CEP44: variants seen among roughly 807,000 people sequenced by gnomAD.
CEP44 encodes centrosomal protein of 44 kDa.
In CEP44, 45 loss-of-function variants were observed where a neutral mutation model predicts 46.7. That is an observed-to-expected ratio of 0.96 (90% confidence interval 0.76 to 1.24). The LOEUF is 1.24. Ranked by LOEUF, CEP44 falls within the 50% of genes most tolerant of loss-of-function variation. The pLI is 0.00. For missense variants in CEP44, 475 were observed against 459.7 expected (o/e 1.03, Z -0.30); for synonymous variants, 142 against 146.0 (o/e 0.97, Z 0.20).
Position 174,319,699 on chromosome 4 carries a change from T to C in CEP44, c.*2316T>C, listed in dbSNP as rs768701142. 31 of 841,108 alleles carry C rather than the reference T, an allele frequency of 3.7e-5. No homozygotes were observed. Among genetic ancestry groups the C allele is most frequent in the Non-Finnish European group, 4.2e-5 (29 of 697,528 alleles). 52.1% of individuals were successfully genotyped at this position (841,108 alleles called of 1,614,324 possible). A position where few individuals can be genotyped will look rare whatever the true frequency, so the allele number is the denominator to read the frequency against. ...TTAGAATCCAAATTTTCTTAAACTTTAATAACTTGTCTAACAACTCTCTAA... is the reference window on the plus strand; with the variant it reads ...TTAGAATCCAAATTTTCTTAAACTTCAATAACTTGTCTAACAACTCTCTAA... On this transcript the variant is annotated 3_prime_UTR_variant, in exon 12 of 12. Transcript: ENST00000503780.
intron 1 of CEP44, among the ~76,000 whole-genome samples, chr4:174,284,575 A>G (rs1260122676): frequency 6.6e-6 from 1 of 152,056 alleles, no homozygotes; most frequent in Non-Finnish European, 1.5e-5. Context: ...TGAAGTTGTT[A>G]TTCTCTTTTA....
chr4:174,299,273 A>G, intron 3 of CEP44, 63 bp downstream of exon 3: 4 of 1,312,916 alleles, frequency 3.0e-6, no homozygotes, highest in African/African-American at 2.9e-5. Flanking sequence ...GATATTTAAC[A>G]TGGGGGACTA....
chr4:174,294,433 G>A lies in CEP44; in HGVS notation c.-147-3533G>A, dbSNP rs1265932786. ...TACAGAACAAAATGAAAAGTCTCCC[G>A]TGTCTACCTCTTTCTACACAGACAT... On this transcript the variant is annotated intron_variant, in intron 1 of 11. Coordinates refer to ENST00000503780, the MANE Select transcript of CEP44 (RefSeq NM_001040157.3). 1.5e-4 allele frequency among the ~76,000 whole-genome samples: 23 copies of A among 151,688 alleles called. No homozygotes were observed. The East Asian group carries it at 3.9e-3, about 26-fold the overall frequency.
rs1421318836 is a variant in CEP44 at position 174,317,964 on chromosome 4, C to T, written c.*581C>T. The stretch of plus-strand genomic sequence containing the variant: ...AAGATTCTCCTTTTGTACTGGGAAA[C>T]AGGCTGGAGGACTATGGTCCTCAAG... On this transcript the variant is annotated 3_prime_UTR_variant, in exon 12 of 12. Coordinates refer to ENST00000503780, the MANE Select transcript of CEP44 (RefSeq NM_001040157.3). The T allele has an allele frequency of 3.0e-6, 3 of 985,238 alleles. No homozygotes were observed. Among genetic ancestry groups the T allele is most frequent in the Non-Finnish European group, 2.4e-6 (2 of 829,788 alleles). The allele number at this position is 985,238 out of a possible 1,614,324, so 61.0% of individuals were successfully genotyped here.
Position 174,325,757 on chromosome 4 carries a change from C to T in CEP44, c.1087-5725C>T, listed in dbSNP as rs535157229. 5.9e-5 allele frequency among the ~76,000 whole-genome samples: 9 copies of T among 152,202 alleles called. No individual in the cohort carries two copies. The highest frequency in any genetic ancestry group is 1.7e-4 in the African/African-American group (7 of 41,544). On this transcript the variant is annotated intron_variant, in intron 8 of 8. Coordinates refer to the CEP44 transcript ENST00000426172. This position sits in a 1 kb window ranked among gnomAD's most constrained non-coding sequence, Gnocchi z 4.4. ...TTCAGTTCTATCATGTATTTTTAAA[C>T]CTGTTTTTAAATGCATAAACATTTA...
chr4:174,330,313 A>T (rs1731250550), intron 8 of CEP44, among the ~76,000 whole-genome samples: 2 of 152,060 alleles, frequency 1.3e-5, no homozygotes, highest in African/African-American at 4.8e-5. Flanking sequence ...ACATGGCGAA[A>T]CCCCGTCTCT....
Position 174,316,302 on chromosome 4 carries a change from C to G in CEP44, c.1086+12C>G. ...ATGAGATTTCAGAGGTAAGAAAATG[C>G]TTAGATTATTTCCTTTCTAAATGAG... On this transcript the variant is annotated intron_variant, in intron 10 of 11. Coordinates refer to ENST00000503780, the MANE Select transcript of CEP44 (RefSeq NM_001040157.3). 6.2e-7 allele frequency: 1 copy of G among 1,603,390 alleles called. No homozygotes were observed. Among genetic ancestry groups the G allele is most frequent in the Non-Finnish European group, 8.5e-7 (1 of 1,171,806 alleles).
Position 174,317,873 on chromosome 4 carries a change from G to GGC in CEP44, c.*491_*492dup, listed in dbSNP as rs1488420700. The GGC allele has an allele frequency of 1.3e-5, 13 of 985,336 alleles. No individual in the cohort carries two copies. Among genetic ancestry groups the GGC allele is most frequent in the Non-Finnish European group, 1.6e-5 (13 of 829,746 alleles). The allele number at this position is 985,336 out of a possible 1,614,324, so 61.0% of individuals were successfully genotyped here. Reference sequence around the variant, plus strand: ...CATTGAAAATTAAATAAAACAAAAAGGCAGTTATTTCATGCTTGGTCAAAA... The same window carrying GGC: ...CATTGAAAATTAAATAAAACAAAAAGGCGCAGTTATTTCATGCTTGGTCAAAA... On this transcript the variant is annotated 3_prime_UTR_variant, in exon 12 of 12. Coordinates refer to ENST00000503780, the MANE Select transcript of CEP44 (RefSeq NM_001040157.3).
At position 174,317,903 on chromosome 4, in the gene CEP44, C is replaced by T. The variant is rs1452458687; in HGVS notation, c.*520C>T. On this transcript the variant is annotated 3_prime_UTR_variant, in exon 12 of 12. Transcript: ENST00000503780. ...TTATTTCATGCTTGGTCAAAAACAT[C>T]AATACCTTTCCAATTAACACTGAGA... 2 of 985,390 alleles carry T rather than the reference C, an allele frequency of 2.0e-6. No individual in the cohort carries two copies. Among genetic ancestry groups the T allele is most frequent in the Non-Finnish European group, 2.4e-6 (2 of 829,858 alleles). 61.0% of individuals were successfully genotyped at this position (985,390 alleles called of 1,614,324 possible). A position where few individuals can be genotyped will look rare whatever the true frequency, so the allele number is the denominator to read the frequency against.
At chr4:174,322,492 A>G (rs937850096), downstream of CEP44, among the ~76,000 whole-genome samples, 1 of 152,174 alleles carries the variant, frequency 6.6e-6, no homozygotes, top group African/African-American at 2.4e-5. Flanking sequence ...TGTTTATGCT[A>G]TGAAAAGCAC....
chr4:174,284,208 T>C (rs938363745), intron 1 of CEP44: 10 of 397,448 alleles, frequency 2.5e-5, no homozygotes, highest in Admixed American at 8.8e-5. Flanking sequence ...CCGCCGTCCT[T>C]ACAGAGACCC....
In CEP44 at chr4:174,327,110, G is replaced by GTA. The variant is rs533785934; in HGVS notation, c.1087-4362_1087-4361dup. 1.8e-3 allele frequency among the ~76,000 whole-genome samples: 264 copies of GTA among 148,098 alleles called. 1 individual carries two copies. Among genetic ancestry groups the GTA allele is most frequent in the East Asian group, 9.6e-3 (49 of 5,096 alleles). ...CATAAGTGGACATTTACATATATAT[G>GTA]TATATATATATCTACATATATATAT... On this transcript the variant is annotated intron_variant, in intron 8 of 8. Coordinates refer to the CEP44 transcript ENST00000426172.
At chr4:174,295,987 A>G (rs536572671) in intron 1 of CEP44, among the ~76,000 whole-genome samples, 1 of 152,172 alleles carries the variant, frequency 6.6e-6, no homozygotes, top group Non-Finnish European at 1.5e-5. Flanking sequence ...AATGTGGCTT[A>G]CATTGATTTT....
Position 174,316,559 on chromosome 4 carries a change from G to GA in CEP44, c.1123dup (p.Met375AsnfsTer3). 15 of 1,586,826 alleles carry GA rather than the reference G, an allele frequency of 9.5e-6. No individual in the cohort carries two copies. The highest frequency in any genetic ancestry group is 1.3e-5 in the Non-Finnish European group (15 of 1,165,506). ...CAACAATCCAGAAAATGGAAAGGAT[G>GA]AAAAAAATGTAAGTAACAGAAAGGG... On this transcript the variant is annotated frameshift_variant, in exon 11 of 12. Transcript: ENST00000503780. LOFTEE classifies it high-confidence loss of function.
chr4:174,308,693 A>C lies in CEP44; in HGVS notation c.512A>C (p.Lys171Thr). ...SGRFMTSGKKKAVVIRHLYNE... is the reference protein window; with the variant it reads ...SGRFMTSGKKTAVVIRHLYNE... The stretch of plus-strand genomic sequence containing the variant: ...TACATATTTTTCTCTATGCAGAAGA[A>C]AGCTGTGGTGATTCGTCACTTGTAT... The change falls in exon 7 of 12, where the codon AAA (lysine) becomes ACA (threonine). Residue 171 changes from lysine (K) to threonine (T), a missense_variant. By Grantham distance (78) the Lys-to-Thr change is moderately conservative (BLOSUM62 -1). Coordinates refer to ENST00000503780, the MANE Select transcript of CEP44 (RefSeq NM_001040157.3). 6.2e-7 allele frequency: 1 copy of C among 1,601,372 alleles called. No individual in the cohort carries two copies. Among genetic ancestry groups the C allele is most frequent in the Non-Finnish European group, 8.5e-7 (1 of 1,171,828 alleles).
intron 6 of CEP44, 99 bp downstream of exon 6, chr4:174,304,468 A>G (rs1740150503): frequency 6.8e-7 from 1 of 1,471,058 alleles, no homozygotes; most frequent in Non-Finnish European, 9.1e-7. Context: ...TGAACATTCT[A>G]GTTAGATATT....
chr4:174,299,266 AT>A, intron 3 of CEP44, 56 bp downstream of exon 3: 1 of 1,398,550 alleles, frequency 7.2e-7, no homozygotes, highest in Non-Finnish European at 9.9e-7. Flanking sequence ...TTGAGATGAT[AT>A]TTAACATGGG....
rs995795216 is a variant in CEP44 at position 174,326,222 on chromosome 4, A to C, written c.1087-5260A>C. On this transcript the variant is annotated intron_variant, in intron 8 of 8. Transcript: ENST00000426172. The surrounding 1 kb of genome is among the most constrained non-coding windows in gnomAD (Gnocchi z 4.8). ...GGCTTATGAAGTATCCTGTGTGTGT[A>C]TGTGTGTGTGTGTGTCTGTGTGTGT... 5.4e-5 allele frequency among the ~76,000 whole-genome samples: 8 copies of C among 147,840 alleles called. No individual in the cohort carries two copies. The highest frequency in any genetic ancestry group is 2.0e-4 in the African/African-American group (8 of 40,328).
Position 174,319,948 on chromosome 4 carries a change from G to C in CEP44, c.*2565G>C. On this transcript the variant is annotated 3_prime_UTR_variant, in exon 12 of 12. Transcript: ENST00000503780. ...GATTAACTTGAGAAGGTGAAGCAGG[G>C]GAGTTCTGAAGAGATTACCTAGAGC... 1 of 985,200 alleles carries C rather than the reference G, an allele frequency of 1.0e-6. No homozygotes were observed. Among genetic ancestry groups the C allele is most frequent in the Non-Finnish European group, 1.2e-6 (1 of 829,786 alleles). The allele number at this position is 985,200 out of a possible 1,614,324, so 61.0% of individuals were successfully genotyped here.
Sources: gnomAD v4.1 joint callset for allele counts (sites outside exome capture counted in the v4.1 genomes callset) on GRCh38, gnomAD v4.1.1 for gene constraint, Gnocchi (gnomAD v3.1) non-coding constraint, MANE v1.5 for transcripts, NCBI Gene and HGNC (gene_info 2026-07-23, HGNC 2026-07-21) for gene names.